The following PARP15 variants were observed in gnomAD, a reference collection of about 807,000 sequenced individuals.
PARP15 encodes protein mono-ADP-ribosyltransferase PARP15.
A neutral mutation model predicts 62.1 loss-of-function variants in PARP15; 50 were observed. The ratio of observed to expected loss-of-function variants is 0.81; its 90% CI spans 0.64 to 1.02. The LOEUF is 1.02. PARP15 is among the 50% of genes least tolerant of loss of function. PARP15 has a pLI of 0.00. For missense variants in PARP15, 820 were observed against 826.5 expected (o/e 0.99, Z 0.10); for synonymous variants, 309 against 293.1 (o/e 1.05, Z -0.55).
intron 1 of PARP15, among the ~76,000 whole-genome samples, chr3:122,597,046 T>C (rs9882797): frequency 0.69 from 105,605 of 152,146 alleles, 39,159 homozygotes; most frequent in East Asian, 0.9. Flanking sequence ...GCAACATAAA[T>C]GTATTGCTCA....
At chr3:122,612,945 C>A in intron 3 of PARP15, 96 bp from the exon 4 acceptor site, 2 of 1,063,628 alleles carry the variant, frequency 1.9e-6, no homozygotes, top group African/African-American at 1.6e-5. Flanking sequence ...CCAACAATAG[C>A]AGAGAGGTCC....
intron 1 of PARP15, among the ~76,000 whole-genome samples, chr3:122,581,295 A>G (rs2080797305): frequency 6.6e-6 from 1 of 152,194 alleles, no homozygotes; most frequent in South Asian, 2.1e-4. Context: ...GCTGTTTTCC[A>G]TAGCAACCAA....
At chr3:122,608,233 T>TTTTTTTTTTTC (rs1553730643) in intron 2 of PARP15, among the ~76,000 whole-genome samples, 1 of 146,626 alleles carries the variant, frequency 6.8e-6, no homozygotes, top group African/African-American at 2.6e-5. Context: ...TTTTTTTTTT[T>TTTTTTTTTTTC]TGATACTGAG....
intron 9 of PARP15, among the ~76,000 whole-genome samples, chr3:122,628,914 T>C (rs1170030151): frequency 1.3e-5 from 2 of 152,204 alleles, no homozygotes; most frequent in Non-Finnish European, 2.9e-5. Context: ...AAAAAGAACT[T>C]AAAGAGGATA....
At chr3:122,585,617 G>A (rs1459804042) in intron 1 of PARP15, among the ~76,000 whole-genome samples, 1 of 152,158 alleles carries the variant, frequency 6.6e-6, no homozygotes, top group African/African-American at 2.4e-5. Flanking sequence ...CCTTCAACCT[G>A]GGGGTCTATG....
chr3:122,607,845 A>T (rs1339504924), intron 2 of PARP15, among the ~76,000 whole-genome samples: 2 of 152,006 alleles, frequency 1.3e-5, no homozygotes, highest in Admixed American at 1.3e-4. Flanking sequence ...AAAATATCTC[A>T]TGTACATGTC....
In PARP15 at chr3:122,580,736, T is replaced by C. The variant is rs1321120243; in HGVS notation, c.186+2883T>C. On this transcript the variant is annotated intron_variant, in intron 1 of 11. Transcript: ENST00000464300. ...ATTTTATACGTATATATAAACATAT[T>C]TTGTTTATACATTCACCAACTGATG... Among the ~76,000 whole-genome samples the C allele has an allele frequency of 5.7e-4, 87 of 152,224 alleles. 1 individual carries two copies. The highest frequency in any genetic ancestry group is 5.7e-3 in the Admixed American group (87 of 15,284).
At chr3:122,631,140 A>G (rs969312201) in intron 9 of PARP15, among the ~76,000 whole-genome samples, 8 of 152,374 alleles carry the variant, frequency 5.3e-5, no homozygotes, top group African/African-American at 1.4e-4. Context: ...GCCTTGGACT[A>G]GAAATGATTA....
At chr3:122,617,367 A>G (rs1936048202) in intron 6 of PARP15, among the ~76,000 whole-genome samples, 1 of 152,158 alleles carries the variant, frequency 6.6e-6, no homozygotes, top group Non-Finnish European at 1.5e-5. Context: ...TCTGAGTGTC[A>G]GTTTCTTTGC....
intron 8 of PARP15, among the ~76,000 whole-genome samples, chr3:122,623,605 A>C (rs1392526164): frequency 1.3e-5 from 2 of 152,230 alleles, no homozygotes; most frequent in African/African-American, 4.8e-5. Flanking sequence ...GTAAGTGCAA[A>C]GCCCCAGAGG....
At chr3:122,618,955 A>T (rs1385631070) in intron 6 of PARP15, among the ~76,000 whole-genome samples, 2 of 152,244 alleles carry the variant, frequency 1.3e-5, no homozygotes, top group Non-Finnish European at 2.9e-5. Context: ...CACAGCAAAG[A>T]CAGAGACCAG....
At chr3:122,612,854 C>T (rs374658659) in intron 3 of PARP15, among the ~76,000 whole-genome samples, 187 bp from the exon 4 acceptor site, 10 of 152,290 alleles carry the variant, frequency 6.6e-5, no homozygotes, top group African/African-American at 2.4e-4. Context: ...ACCCGCCTCT[C>T]CTGAATGAGT....
chr3:122,609,367 A>G (rs1217813981), intron 2 of PARP15, among the ~76,000 whole-genome samples: 1 of 152,152 alleles, frequency 6.6e-6, no homozygotes, highest in African/African-American at 2.4e-5. Flanking sequence ...ACATCTTTTA[A>G]TTTACAATGA....
At position 122,639,035 on chromosome 3, in the gene PARP15, G is replaced by C. The variant is rs186644467; in HGVS notation, c.*2935G>C. 1.3e-5 allele frequency: 2 copies of C among 151,790 alleles called. No individual in the cohort carries two copies. Among genetic ancestry groups the C allele is most frequent in the Admixed American group, 6.6e-5 (1 of 15,244 alleles). The allele number at this position is 151,790 out of a possible 1,614,324, so 9.4% of individuals were successfully genotyped here. On this transcript the variant is annotated 3_prime_UTR_variant, in exon 12 of 12. Coordinates refer to ENST00000464300, the MANE Select transcript of PARP15 (RefSeq NM_001113523.3). ...TTTTCCTCGTCATTAAATATTTTAC[G>C]TATCATTTTTAATGGTTGCACCGTA...
chr3:122,615,916 G>A (rs1201062990), intron 5 of PARP15, 59 bp downstream of exon 5: 5 of 1,489,642 alleles, frequency 3.4e-6, no homozygotes, highest in Non-Finnish European at 4.6e-6. Flanking sequence ...CTCTTCAGTG[G>A]TAGTTGAAGT....
At chr3:122,592,917 C>G (rs1934037096) in intron 1 of PARP15, among the ~76,000 whole-genome samples, 1 of 152,182 alleles carries the variant, frequency 6.6e-6, no homozygotes, top group South Asian at 2.1e-4. Context: ...AATCAAATCT[C>G]TCTGACTCCA....
In PARP15 at chr3:122,601,039, T is replaced by TTTTTTTTTTC. The variant is rs1413596739; in HGVS notation, c.187-4888_187-4887insCTTTTTTTTT. 6.1e-3 allele frequency among the ~76,000 whole-genome samples: 797 copies of TTTTTTTTTTC among 130,340 alleles called. 41 individuals are homozygous for TTTTTTTTTTC. Among genetic ancestry groups the TTTTTTTTTTC allele is most frequent in the African/African-American group, 0.025 (719 of 29,088 alleles). 85.5% of individuals were successfully genotyped at this position (130,340 alleles called of 152,430 possible). On this transcript the variant is annotated intron_variant, in intron 1 of 11. Transcript: ENST00000464300. ...TGGTTTTTGTTTGTCTTTTATGGTT[T>TTTTTTTTTTC]TTTTTTTTTTTTTTTTTTTTGAGAC... is the stretch of plus-strand genomic sequence containing the variant.
chr3:122,634,717 CA>C (rs1363967115), intron 10 of PARP15, among the ~76,000 whole-genome samples: 10 of 152,200 alleles, frequency 6.6e-5, no homozygotes, highest in African/African-American at 2.4e-4. Flanking sequence ...CCAGGAATTC[CA>C]GGGAATATAT....
chr3:122,624,957 G>C (rs906796854), intron 8 of PARP15, among the ~76,000 whole-genome samples: 9 of 151,892 alleles, frequency 5.9e-5, no homozygotes, highest in Non-Finnish European at 1.2e-4. Context: ...AACAGAGCTA[G>C]GTTCAAAGCC....
Sources: gnomAD v4.1 joint callset for allele counts (sites outside exome capture counted in the v4.1 genomes callset) on GRCh38, gnomAD v4.1.1 for gene constraint, MANE v1.5 for transcripts, NCBI Gene and HGNC (gene_info 2026-07-23, HGNC 2026-07-21) for gene names.